Variants in WIPF1 observed in about 807,000 individuals in gnomAD.
WIPF1 encodes the protein WAS/WASL interacting protein family member 1, also known as WAS/WASL-interacting protein family member 1.
WIPF1 carries 13 observed loss-of-function variants against 35.4 expected under a neutral mutation model. That is an observed-to-expected ratio of 0.37 (90% CI 0.24 to 0.58). The LOEUF is 0.58. Ranked by LOEUF, WIPF1 falls within the 20% of genes least tolerant of loss-of-function variation. The probability of loss-of-function intolerance (pLI) is 0.74; values close to 1 mark genes in which losing one functional copy is unlikely to be tolerated. For missense variants in WIPF1, 591 were observed against 667.0 expected (o/e 0.89, Z 1.25); for synonymous variants, 267 against 266.3 (o/e 1.00, Z -0.02).
At chr2:174,581,555 G>T (rs1685242436) in intron 2 of WIPF1, 116 bp from the exon 3 acceptor site, 3 of 1,369,938 alleles carry the variant, frequency 2.2e-6, no homozygotes, top group Admixed American at 2.5e-5. Flanking sequence ...TTGGTGATAG[G>T]TTGTAAATTC....
chr2:174,586,315 C>T (rs1040957680), intron 1 of WIPF1, among the ~76,000 whole-genome samples: 4 of 152,110 alleles, frequency 2.6e-5, no homozygotes, highest in African/African-American at 9.7e-5. Context: ...AGAAGTCAGA[C>T]CTAGGACTCC....
intron 1 of WIPF1, among the ~76,000 whole-genome samples, chr2:174,625,066 G>A (rs1023534228): frequency 6.6e-6 from 1 of 152,138 alleles, no homozygotes; most frequent in Non-Finnish European, 1.5e-5. Context: ...TCCTTGGGGC[G>A]GCTGGCTGGC....
At chr2:174,646,463 G>A (rs928581088) in intron 1 of WIPF1, among the ~76,000 whole-genome samples, 8 of 152,188 alleles carry the variant, frequency 5.3e-5, no homozygotes, top group African/African-American at 9.7e-5. Flanking sequence ...GATAACTTTA[G>A]TATTATTCAA....
intron 1 of WIPF1, among the ~76,000 whole-genome samples, chr2:174,592,334 C>T (rs188054589): frequency 3.3e-5 from 5 of 152,208 alleles, no homozygotes; most frequent in African/African-American, 1.2e-4. Flanking sequence ...CAGCTTTATC[C>T]AATTACATTT....
At chr2:174,570,311 TA>T (rs1312421639) in intron 5 of WIPF1, 1 of 152,222 alleles carries the variant, frequency 6.6e-6, no homozygotes, top group East Asian at 1.9e-4. Flanking sequence ...ACATGCATTT[TA>T]AAAAGACTGA....
intron 1 of WIPF1, among the ~76,000 whole-genome samples, chr2:174,596,639 G>A (rs939535669): frequency 1.3e-5 from 2 of 152,102 alleles, no homozygotes; most frequent in Non-Finnish European, 2.9e-5. Context: ...TGTAATCCCA[G>A]CACTTTGGGA....
intron 2 of WIPF1, among the ~76,000 whole-genome samples, chr2:174,583,922 C>T (rs1057242838): frequency 6.6e-6 from 1 of 152,124 alleles, no homozygotes; most frequent in Non-Finnish European, 1.5e-5. Context: ...TGGGCTCAAA[C>T]AATCCTCCCA....
chr2:174,647,624 T>C (rs1249309928), intron 1 of WIPF1, among the ~76,000 whole-genome samples: 2 of 143,924 alleles, frequency 1.4e-5, no homozygotes, highest in South Asian at 2.3e-4. Context: ...CGTGCCCCCT[T>C]GGCCTCCCAA....
intron 1 of WIPF1, among the ~76,000 whole-genome samples, chr2:174,589,217 C>T (rs554105555): frequency 3.0e-4 from 45 of 152,348 alleles, no homozygotes; most frequent in African/African-American, 1.1e-3. Flanking sequence ...TCCATGGGGT[C>T]TTGCCAATAC....
chr2:174,600,909 T>C (rs1685982183), upstream of WIPF1, among the ~76,000 whole-genome samples: 1 of 145,896 alleles, frequency 6.9e-6, no homozygotes. Context: ...CAGCATAATG[T>C]TCCTTTTTTT....
chr2:174,593,654 A>C (rs570118708), intron 1 of WIPF1, among the ~76,000 whole-genome samples: 1 of 152,254 alleles, frequency 6.6e-6, no homozygotes, highest in South Asian at 2.1e-4. Context: ...AAAAATGCTC[A>C]ACAGGAAAAT....
chr2:174,678,645 G>A (rs1304272662), intron 1 of WIPF1, among the ~76,000 whole-genome samples: 4 of 152,264 alleles, frequency 2.6e-5, no homozygotes, highest in Non-Finnish European at 4.4e-5. Flanking sequence ...TCTCTACACT[G>A]ATGATGGCCA....
At chr2:174,664,148 C>T (rs901442616) in intron 1 of WIPF1, among the ~76,000 whole-genome samples, 5 of 152,234 alleles carry the variant, frequency 3.3e-5, no homozygotes, top group African/African-American at 1.2e-4. Flanking sequence ...CACACACACA[C>T]ACACACCCCA....
chr2:174,665,961 T>G (rs1468586797), intron 1 of WIPF1, among the ~76,000 whole-genome samples: 2 of 152,208 alleles, frequency 1.3e-5, no homozygotes, highest in African/African-American at 4.8e-5. Flanking sequence ...CCCATACCAC[T>G]TGTAGCCTCT....
chr2:174,620,596 C>T (rs1256812885), intron 1 of WIPF1, among the ~76,000 whole-genome samples: 1 of 152,170 alleles, frequency 6.6e-6, no homozygotes, highest in Non-Finnish European at 1.5e-5. Flanking sequence ...AGCACATACC[C>T]ATTATCCTCT....
intron 1 of WIPF1, among the ~76,000 whole-genome samples, chr2:174,596,887 G>C (rs1005053088): frequency 6.6e-6 from 1 of 152,152 alleles, no homozygotes; most frequent in Non-Finnish European, 1.5e-5. Flanking sequence ...GTTTTTTAAT[G>C]TAAAAAGTTT....
chr2:174,574,664 G>A, intron 4 of WIPF1: 1 of 547,332 alleles, frequency 1.8e-6, no homozygotes, highest in Admixed American at 3.1e-5. Flanking sequence ...AATCCTGAAG[G>A]ACTCATGTCC....
At chr2:174,576,230 C>CAAAAAAAAAAAAAAAAAAAA (rs66562213) in intron 3 of WIPF1, among the ~76,000 whole-genome samples, 4 of 98,930 alleles carry the variant, frequency 4.0e-5, no homozygotes, top group African/African-American at 1.7e-4. Context: ...TGCACTCCAG[C>CAAAAAAAAAAAAAAAAAAAA]AAAAAAAAAA....
At chr2:174,664,561 G>A (rs1039339252) in intron 1 of WIPF1, among the ~76,000 whole-genome samples, 2 of 152,198 alleles carry the variant, frequency 1.3e-5, no homozygotes, top group African/African-American at 4.8e-5. Flanking sequence ...TGAGCAGTAG[G>A]GGAAAACCAA....
Sources: gnomAD v4.1 joint callset for allele counts (sites outside exome capture counted in the v4.1 genomes callset) on GRCh38, gnomAD v4.1.1 for gene constraint, MANE v1.5 for transcripts, NCBI Gene and HGNC (gene_info 2026-07-23, HGNC 2026-07-21) for gene names.